CSNK1G3: variants seen among roughly 807,000 people sequenced by gnomAD.
The protein encoded by CSNK1G3 is casein kinase I isoform gamma-3.
In CSNK1G3, 23 loss-of-function variants were observed where a neutral mutation model predicts 64.3. The observed-to-expected ratio is 0.36, with a 90% CI of 0.26 to 0.51. The LOEUF is 0.51. Ranked by LOEUF, CSNK1G3 falls within the 20% of genes least tolerant of loss-of-function variation. The probability of loss-of-function intolerance (pLI) is 0.96; values close to 1 mark genes in which losing one functional copy is unlikely to be tolerated. For synonymous variants in CSNK1G3, 158 were observed against 162.2 expected, an observed-to-expected ratio of 0.97 and a Z score of 0.20; for missense variants, 357 against 510.5, an observed-to-expected ratio of 0.70 and a Z score of 2.90.
rs1778900188 is a variant in CSNK1G3 at position 123,525,525 on chromosome 5, C to A, written c.-248+12955C>A. Among the ~76,000 whole-genome samples the A allele has an allele frequency of 5.3e-5, 8 of 152,162 alleles. No individual in the cohort carries two copies. In the South Asian group the frequency reaches 1.7e-3, roughly 32 times the overall value. Reference sequence around the variant, plus strand: ...ACCAGGCTTGGTCTCAACTTCCTGACCTCAAGCGATCTGCCCACCTCGGCC... The same window carrying A: ...ACCAGGCTTGGTCTCAACTTCCTGAACTCAAGCGATCTGCCCACCTCGGCC... On this transcript the variant is annotated intron_variant, in intron 1 of 12. Transcript: ENST00000345990.
chr5:123,570,346 C>CTTTTTTTTTTTTTTTTTTTTTT (rs370362447), intron 4 of CSNK1G3, among the ~76,000 whole-genome samples: 1 of 130,550 alleles, frequency 7.7e-6, no homozygotes. Context: ...ACAGTCCTTT[C>CTTTTTTTTTTTTTTTTTTTTTT]TTTTTTTTTT....
At chr5:123,528,004 TG>T (rs1779362009) in intron 1 of CSNK1G3, among the ~76,000 whole-genome samples, 1 of 152,216 alleles carries the variant, frequency 6.6e-6, no homozygotes, top group Non-Finnish European at 1.5e-5. Flanking sequence ...TAAAGTTGTT[TG>T]TCTTCCTTGT....
At chr5:123,581,702 CT>C (rs939988647) in intron 6 of CSNK1G3, among the ~76,000 whole-genome samples, 2 of 139,946 alleles carry the variant, frequency 1.4e-5, no homozygotes, top group African/African-American at 5.4e-5. Context: ...TTTGTTTTCT[CT>C]TTTTTTAAAA....
At chr5:123,546,636 G>A (rs555242482) in intron 2 of CSNK1G3, among the ~76,000 whole-genome samples, 2 of 151,842 alleles carry the variant, frequency 1.3e-5, no homozygotes, top group African/African-American at 4.8e-5. Flanking sequence ...TACCAGGAGG[G>A]CTCTGGTCAG....
At chr5:123,601,340 G>A (rs1006592000) in intron 10 of CSNK1G3, among the ~76,000 whole-genome samples, 4 of 151,986 alleles carry the variant, frequency 2.6e-5, no homozygotes, top group Admixed American at 6.6e-5. Flanking sequence ...TCAAGTCACC[G>A]GTGTTAAATA....
intron 1 of CSNK1G3, among the ~76,000 whole-genome samples, chr5:123,521,830 C>T (rs377048851): frequency 4.0e-5 from 6 of 151,606 alleles, no homozygotes; most frequent in Admixed American, 2.0e-4. Context: ...GTTCTTGGCC[C>T]GAGTTCATAT....
intron 1 of CSNK1G3, among the ~76,000 whole-genome samples, chr5:123,525,772 T>G (rs1292520967): frequency 1.3e-5 from 2 of 151,660 alleles, no homozygotes; most frequent in Non-Finnish European, 2.9e-5. Flanking sequence ...GGCGGGCGGA[T>G]CACGAGGTCA....
At chr5:123,610,383 C>G (rs1047649101) in intron 12 of CSNK1G3, among the ~76,000 whole-genome samples, 2 of 152,148 alleles carry the variant, frequency 1.3e-5, no homozygotes, top group African/African-American at 2.4e-5. Flanking sequence ...GTGGTTAGTT[C>G]TAGGAGGTAC....
At chr5:123,578,154 T>C (rs1273366651) in intron 6 of CSNK1G3, among the ~76,000 whole-genome samples, 1 of 151,994 alleles carries the variant, frequency 6.6e-6, no homozygotes, top group African/African-American at 2.4e-5. Context: ...AAAACTTGTA[T>C]AATATTCTTA....
At chr5:123,610,349 A>G (rs1796105108) in intron 12 of CSNK1G3, among the ~76,000 whole-genome samples, 1 of 152,170 alleles carries the variant, frequency 6.6e-6, no homozygotes, top group Admixed American at 6.5e-5. Context: ...CCAGGTCAGG[A>G]GAAACTAGGT....
At chr5:123,528,851 G>T (rs770376154) in intron 1 of CSNK1G3, among the ~76,000 whole-genome samples, 3 of 152,010 alleles carry the variant, frequency 2.0e-5, no homozygotes, top group Non-Finnish European at 4.4e-5. Context: ...AAATTTATTT[G>T]TAACCCTAAA....
At chr5:123,578,687 A>G (rs1314263961) in intron 6 of CSNK1G3, among the ~76,000 whole-genome samples, 1 of 151,940 alleles carries the variant, frequency 6.6e-6, no homozygotes, top group Admixed American at 6.6e-5. Context: ...TTCATGTAAT[A>G]AGGTAAACAA....
intron 4 of CSNK1G3, among the ~76,000 whole-genome samples, chr5:123,558,517 T>G (rs1316138821): frequency 2.6e-5 from 4 of 152,220 alleles, no homozygotes; most frequent in Non-Finnish European, 4.4e-5. Flanking sequence ...CATGTATCTT[T>G]TTGTAAGCAT....
intron 12 of CSNK1G3, among the ~76,000 whole-genome samples, chr5:123,612,286 T>TGAGG (rs967139026): frequency 1.3e-5 from 2 of 152,210 alleles, no homozygotes; most frequent in African/African-American, 4.8e-5. Flanking sequence ...CATAGTAGTT[T>TGAGG]CATAATTATG....
intron 4 of CSNK1G3, 51 bp downstream of exon 4, chr5:123,557,615 CT>C: frequency 1.7e-6 from 2 of 1,186,154 alleles, no homozygotes; most frequent in Non-Finnish European, 2.4e-6. Flanking sequence ...ATTGTCATGA[CT>C]TTTTAGTTTC....
chr5:123,610,755 T>C (rs986899582), intron 12 of CSNK1G3, among the ~76,000 whole-genome samples: 5 of 152,086 alleles, frequency 3.3e-5, no homozygotes, highest in African/African-American at 1.2e-4. Context: ...GTGGAAGGAT[T>C]GCTTGAGCTC....
At chr5:123,574,685 C>T (rs975522529) in intron 5 of CSNK1G3, among the ~76,000 whole-genome samples, 2 of 151,814 alleles carry the variant, frequency 1.3e-5, no homozygotes, top group African/African-American at 4.8e-5. Flanking sequence ...AAAAAATAAG[C>T]CAGGTGTGGT....
chr5:123,523,902 C>A (rs1269869041), intron 1 of CSNK1G3, among the ~76,000 whole-genome samples: 5 of 152,146 alleles, frequency 3.3e-5, no homozygotes, highest in African/African-American at 9.7e-5. Flanking sequence ...CTGTCCTAGG[C>A]TTCTCTGTAC....
exon 9 of CSNK1G3, chr5:123,590,490 T>C (rs1414030433): frequency 2.6e-6 from 4 of 1,542,500 alleles, no homozygotes; most frequent in Non-Finnish European, 3.5e-6. Context: ...AAGAAAGCTT[T>C]TTACTGACTT....
Sources: gnomAD v4.1 joint callset for allele counts (sites outside exome capture counted in the v4.1 genomes callset) on GRCh38, gnomAD v4.1.1 for gene constraint, MANE v1.5 for transcripts, NCBI Gene and HGNC (gene_info 2026-07-23, HGNC 2026-07-21) for gene names.